Variants in SIM2 observed in about 807,000 individuals in gnomAD.
The protein encoded by SIM2 is SIM bHLH transcription factor 2, also known as single-minded homolog 2.
A neutral mutation model predicts 64.8 loss-of-function variants in SIM2; 28 were observed. The observed-to-expected ratio is 0.43, with a 90% confidence interval of 0.32 to 0.59. The LOEUF (loss-of-function observed/expected upper bound fraction) is 0.59. Ranked by LOEUF, SIM2 falls within the 20% of genes least tolerant of loss-of-function variation. The probability of loss-of-function intolerance (pLI) is 0.07; values close to 1 mark genes in which losing one functional copy is unlikely to be tolerated. For missense variants in SIM2, 847 were observed against 871.4 expected, an observed-to-expected ratio of 0.97 and a Z score of 0.35; for synonymous variants, 408 against 391.1, an observed-to-expected ratio of 1.04 and a Z score of -0.51.
intron 7 of SIM2, among the ~76,000 whole-genome samples, chr21:36,737,984 C>CAAAAAAAAA (rs71326699): frequency 5.5e-5 from 5 of 90,218 alleles, no homozygotes; most frequent in African/African-American, 2.4e-4. Context: ...AAAAAAAAAG[C>CAAAAAAAAA]AAAAAAAAAG....
intron 3 of SIM2, among the ~76,000 whole-genome samples, chr21:36,718,500 T>A (rs902784952): frequency 2.0e-5 from 3 of 152,140 alleles, no homozygotes; most frequent in African/African-American, 7.2e-5. Context: ...AGACACACCA[T>A]GAGCCTCCTT....
At chr21:36,717,952 T>C (rs2088768531) in intron 3 of SIM2, among the ~76,000 whole-genome samples, 1 of 152,168 alleles carries the variant, frequency 6.6e-6, no homozygotes, top group Non-Finnish European at 1.5e-5. Flanking sequence ...GTAATAAACT[T>C]TTCAGGGAGG....
At chr21:36,728,248 C>T (rs1225307338) in intron 6 of SIM2, among the ~76,000 whole-genome samples, 2 of 152,190 alleles carry the variant, frequency 1.3e-5, no homozygotes, top group African/African-American at 4.8e-5. Flanking sequence ...TGGTTTCCCC[C>T]TTGTTTCGTC....
intron 7 of SIM2, among the ~76,000 whole-genome samples, chr21:36,731,989 TCTC>T (rs748717878): frequency 6.6e-6 from 1 of 152,278 alleles, no homozygotes; most frequent in Non-Finnish European, 1.5e-5. Flanking sequence ...TTCAAGCAAT[TCTC>T]CTGCTTCAGC....
At chr21:36,724,818 AC>A (rs2088868728) in intron 5 of SIM2, among the ~76,000 whole-genome samples, 1 of 152,124 alleles carries the variant, frequency 6.6e-6, no homozygotes. Flanking sequence ...GATGATATTG[AC>A]CCTGTCAAGA....
intron 6 of SIM2, among the ~76,000 whole-genome samples, chr21:36,729,247 T>G (rs1362893700): frequency 1.3e-5 from 2 of 152,156 alleles, no homozygotes; most frequent in African/African-American, 4.8e-5. Flanking sequence ...GTTTTCTTTT[T>G]GGGGGAAAAC....
At chr21:36,743,002 TG>T (rs2089183002) in intron 8 of SIM2, among the ~76,000 whole-genome samples, 1 of 152,154 alleles carries the variant, frequency 6.6e-6, no homozygotes, top group African/African-American at 2.4e-5. Flanking sequence ...TCTTGCCTCC[TG>T]GGGTGCTAAC....
intron 1 of SIM2, 142 bp downstream of exon 1, chr21:36,700,063 T>C: frequency 2.4e-6 from 2 of 839,704 alleles, no homozygotes; most frequent in South Asian, 3.6e-5. Flanking sequence ...TGCGTGAGGG[T>C]CTTCGGCTTC....
At position 36,715,532 on chromosome 21, in the gene SIM2, C is replaced by T. The variant is rs1057039855; in HGVS notation, c.348+2910C>T. On this transcript the variant is annotated intron_variant, in intron 3 of 10. Coordinates refer to ENST00000290399, the MANE Select transcript of SIM2 (RefSeq NM_005069.6). ...TTTAAAAAGAATTTCTGATGAATAA[C>T]GATAGTAGTAATAGCTGATACATGC... 4.6e-5 allele frequency among the ~76,000 whole-genome samples: 7 copies of T among 152,044 alleles called. 1 individual carries two copies. Among genetic ancestry groups the T allele is most frequent in the South Asian group, 4.1e-4 (2 of 4,828 alleles).
intron 3 of SIM2, among the ~76,000 whole-genome samples, chr21:36,715,882 G>C (rs557116210): frequency 6.4e-4 from 98 of 152,076 alleles, no homozygotes; most frequent in Non-Finnish European, 4.0e-4. Context: ...AATCTGCTTC[G>C]TATGGCAGAG....
intron 6 of SIM2, among the ~76,000 whole-genome samples, chr21:36,729,235 T>G (rs2088933627): frequency 6.6e-6 from 1 of 152,200 alleles, no homozygotes; most frequent in Admixed American, 6.5e-5. Flanking sequence ...TAGAGATGCC[T>G]GGTTTTCTTT....
In SIM2 at chr21:36,731,161, A is replaced by G; in HGVS notation, c.850+10A>G. ...TACGCACACCACCTCCGTGAGTAGC[A>G]CGCCCACCCCAGCCACGGGAGGTAG... On this transcript the variant is annotated intron_variant, in intron 7 of 10. Transcript: ENST00000290399. 1 of 1,606,426 alleles carries G rather than the reference A, an allele frequency of 6.2e-7. No individual in the cohort carries two copies. Among genetic ancestry groups the G allele is most frequent in the Non-Finnish European group, 8.5e-7 (1 of 1,173,730 alleles).
intron 3 of SIM2, 23 bp from the exon 4 acceptor site, chr21:36,719,798 C>G: frequency 2.0e-6 from 3 of 1,483,268 alleles, no homozygotes; most frequent in Non-Finnish European, 2.8e-6. Context: ...GGTGGCATTT[C>G]TGACCCTTCC....
At chr21:36,701,473 G>A (rs1259825170) in intron 1 of SIM2, 1 of 152,250 alleles carries the variant, frequency 6.6e-6, no homozygotes, top group Non-Finnish European at 1.5e-5. Flanking sequence ...CCAGGAGCCA[G>A]GCGCGGGCTG....
Position 36,726,398 on chromosome 21 carries a change from C to G in SIM2, c.743+80C>G. 3.1e-6 allele frequency: 4 copies of G among 1,271,596 alleles called. No individual in the cohort carries two copies. The highest frequency in any genetic ancestry group is 4.4e-6 in the Non-Finnish European group (4 of 904,696). 78.8% of individuals were successfully genotyped at this position (1,271,596 alleles called of 1,614,324 possible). On this transcript the variant is annotated intron_variant, in intron 6 of 10. Coordinates refer to ENST00000290399, the MANE Select transcript of SIM2 (RefSeq NM_005069.6). This position sits in a 1 kb window ranked among gnomAD's most constrained non-coding sequence, Gnocchi z 4.5. ...GAAATGGGTCCCTGAAAGCTGCCAT[C>G]TTGGCCAAATCATAACAAGGAATAA... is the stretch of plus-strand genomic sequence containing the variant.
chr21:36,702,145 C>G (rs2088509070), intron 1 of SIM2, among the ~76,000 whole-genome samples: 1 of 152,298 alleles, frequency 6.6e-6, no homozygotes, highest in Middle Eastern at 3.4e-3. Flanking sequence ...GAAAGCAAGT[C>G]TCCAGGCATT....
chr21:36,743,959 C>T (rs2089196055), intron 9 of SIM2, among the ~76,000 whole-genome samples: 1 of 152,178 alleles, frequency 6.6e-6, no homozygotes, highest in Non-Finnish European at 1.5e-5. Context: ...TCAGAAATAG[C>T]AATTGTCGGT....
chr21:36,740,511 A>C (rs1459486686), intron 7 of SIM2, among the ~76,000 whole-genome samples: 1 of 152,120 alleles, frequency 6.6e-6, no homozygotes, highest in Non-Finnish European at 1.5e-5. Context: ...AACCCCCTAT[A>C]TATTAAGGTG....
chr21:36,706,828 C>A (rs999596215), intron 1 of SIM2, among the ~76,000 whole-genome samples: 1 of 152,140 alleles, frequency 6.6e-6, no homozygotes, highest in Admixed American at 6.5e-5. Flanking sequence ...AAATCTCCGC[C>A]GGCAAAGCAG....
Sources: allele counts gnomAD v4.1 joint callset (sites outside exome capture counted in the v4.1 genomes callset), GRCh38; gene constraint gnomAD v4.1.1; non-coding constraint Gnocchi (gnomAD v3.1); transcripts MANE v1.5; gene names NCBI Gene and HGNC (gene_info 2026-07-23, HGNC 2026-07-21).